HDAC8: variants seen among roughly 807,000 people sequenced by gnomAD.
HDAC8 encodes the protein histone deacetylase 8.
Under a neutral mutation model 32.2 loss-of-function variants are expected in HDAC8, and 1 was observed. The ratio of observed to expected loss-of-function variants is 0.03; its 90% CI spans 0.01 to 0.15. The LOEUF is 0.15. HDAC8 is among the 10% of genes least tolerant of loss of function. The pLI, the probability that HDAC8 is intolerant of heterozygous loss-of-function variation, is 1.00. For missense variants in HDAC8, 117 were observed against 300.0 expected (o/e 0.39, Z 4.51); for synonymous variants, 108 against 113.9 (o/e 0.95, Z 0.33).
chrX:72,493,226 T>G (rs1356842414), intron 5 of HDAC8, among the ~76,000 whole-genome samples: 1 of 111,405 alleles, frequency 9.0e-6, no homozygotes, highest in Middle Eastern at 4.7e-3. Context: ...CATGAATAGT[T>G]AGACATGCTC....
chrX:72,357,987 C>G (rs1178287285), intron 9 of HDAC8, among the ~76,000 whole-genome samples: 1 of 110,247 alleles, frequency 9.1e-6, no homozygotes, highest in Non-Finnish European at 1.9e-5. Flanking sequence ...TCACTGCAAC[C>G]TCCACCACCC....
intron 9 of HDAC8, among the ~76,000 whole-genome samples, chrX:72,433,690 A>T (rs1162166492): frequency 1.8e-5 from 2 of 112,165 alleles, no homozygotes; most frequent in East Asian, 5.6e-4. Context: ...ACTTGTTTGG[A>T]GAAACCTTGT....
At chrX:72,331,547 G>T (rs782199120) in intron 10 of HDAC8, among the ~76,000 whole-genome samples, 4 of 111,199 alleles carry the variant, frequency 3.6e-5, no homozygotes, top group Non-Finnish European at 7.5e-5. Context: ...GGTTCATGCA[G>T]ATTTGTGCAT....
At chrX:72,509,103 C>CA (rs1873621108) in intron 4 of HDAC8, among the ~76,000 whole-genome samples, 1 of 106,199 alleles carries the variant, frequency 9.4e-6, no homozygotes, top group Non-Finnish European at 1.9e-5. Context: ...ACCCTCTTAT[C>CA]AATTTTTTTT....
chrX:72,538,179 G>C (rs868917405), intron 4 of HDAC8, among the ~76,000 whole-genome samples: 1 of 104,549 alleles, frequency 9.6e-6, no homozygotes, highest in South Asian at 4.2e-4. Flanking sequence ...CCTTGGTTTT[G>C]TTTTTCTTTT....
chrX:72,538,183 T>C (rs895475989), intron 4 of HDAC8, among the ~76,000 whole-genome samples: 2 of 109,731 alleles, frequency 1.8e-5, no homozygotes, highest in Admixed American at 1.9e-4. Context: ...GGTTTTGTTT[T>C]TCTTTTTTTT....
At chrX:72,336,681 G>A (rs2043695773) in intron 10 of HDAC8, among the ~76,000 whole-genome samples, 1 of 111,440 alleles carries the variant, frequency 9.0e-6, no homozygotes, top group Non-Finnish European at 1.9e-5. Context: ...GCCTCTCAAA[G>A]TTCTGGGATT....
intron 9 of HDAC8, among the ~76,000 whole-genome samples, chrX:72,432,080 C>T (rs2046835180): frequency 9.0e-6 from 1 of 111,132 alleles, no homozygotes; most frequent in Non-Finnish European, 1.9e-5. Context: ...AAGTGATTCT[C>T]CTTCCCCATC....
intron 9 of HDAC8, among the ~76,000 whole-genome samples, chrX:72,442,578 A>T (rs782116165): frequency 8.9e-6 from 1 of 112,026 alleles, no homozygotes; most frequent in East Asian, 2.8e-4. Context: ...CTACTGCGAA[A>T]TCATGCCAAA....
chrX:72,417,750 C>T (rs1184468050), intron 9 of HDAC8, among the ~76,000 whole-genome samples: 1 of 111,543 alleles, frequency 9.0e-6, no homozygotes, highest in African/African-American at 3.2e-5. Context: ...AAAAGGAGCC[C>T]GAATAGCCAA....
intron 7 of HDAC8, among the ~76,000 whole-genome samples, chrX:72,482,391 T>C (rs1379620860): frequency 2.7e-5 from 3 of 112,426 alleles, no homozygotes; most frequent in East Asian, 5.6e-4. Flanking sequence ...AGAATCTGCA[T>C]GTTTACAAAC....
chrX:72,413,599 G>C (rs2046259092), intron 9 of HDAC8, among the ~76,000 whole-genome samples: 1 of 110,699 alleles, frequency 9.0e-6, no homozygotes, highest in Non-Finnish European at 1.9e-5. Flanking sequence ...TAATCCCCAC[G>C]TGTAATGGGA....
intron 10 of HDAC8, among the ~76,000 whole-genome samples, chrX:72,349,336 G>A (rs782773023): frequency 1.2e-3 from 136 of 112,406 alleles, no homozygotes; most frequent in Middle Eastern, 4.6e-3. Flanking sequence ...TTTAAAATGA[G>A]GTCGATACTG....
At chrX:72,439,052 G>A (rs1373719462) in intron 9 of HDAC8, among the ~76,000 whole-genome samples, 1 of 111,239 alleles carries the variant, frequency 9.0e-6, no homozygotes, top group African/African-American at 3.3e-5. Context: ...AATTGTTAAG[G>A]GCAGCCAGAG....
At chrX:72,489,269 C>A (rs2048779233) in intron 6 of HDAC8, 1 of 478,102 alleles carries the variant, frequency 2.1e-6, no homozygotes, top group Non-Finnish European at 3.8e-6. Context: ...AACTCCTTTG[C>A]TTGGCTTCAT....
intron 9 of HDAC8, among the ~76,000 whole-genome samples, chrX:72,422,275 C>T (rs1383634415): frequency 1.7e-4 from 19 of 111,426 alleles, no homozygotes; most frequent in African/African-American, 6.2e-4. Flanking sequence ...AACCTCTTCT[C>T]TTTTTTCTGT....
At chrX:72,466,641 G>T (rs1443897267) in intron 7 of HDAC8, 1 of 112,059 alleles carries the variant, frequency 8.9e-6, no homozygotes, top group Non-Finnish European at 1.9e-5. Flanking sequence ...AGCCACTCTG[G>T]AAAATAGTTT....
intron 4 of HDAC8, among the ~76,000 whole-genome samples, chrX:72,516,364 G>A (rs1399295592): frequency 1.8e-5 from 2 of 110,741 alleles, no homozygotes; most frequent in Non-Finnish European, 3.8e-5. Context: ...CACAGTCACC[G>A]GGAAAGCTGA....
At chrX:72,472,655 G>A (rs927354270) in intron 7 of HDAC8, among the ~76,000 whole-genome samples, 20 of 111,736 alleles carry the variant, frequency 1.8e-4, no homozygotes, top group Admixed American at 1.4e-3. Context: ...GCTATTCTGG[G>A]TTGAATTTCT....
Sources: gnomAD v4.1 joint callset for allele counts (sites outside exome capture counted in the v4.1 genomes callset) on GRCh38, gnomAD v4.1.1 for gene constraint, MANE v1.5 for transcripts, NCBI Gene and HGNC (gene_info 2026-07-23, HGNC 2026-07-21) for gene names.